PGM2: variants seen among roughly 807,000 people sequenced by gnomAD.
PGM2 encodes phosphoglucomutase 2, also known as phosphopentomutase.
In PGM2, 57 loss-of-function variants were observed where a neutral mutation model predicts 74.6. That is an observed-to-expected ratio of 0.76 (90% CI 0.62 to 0.95). PGM2 has a LOEUF of 0.95. Ranked by LOEUF, PGM2 falls within the 40% of genes least tolerant of loss-of-function variation. PGM2 has a pLI of 0.00. For synonymous variants in PGM2, 273 were observed against 260.7 expected, an observed-to-expected ratio of 1.05 and a Z score of -0.46; for missense variants, 706 against 741.9, an observed-to-expected ratio of 0.95 and a Z score of 0.56.
chr4:37,842,924 A>AAGTGCTAG (rs1173588651), intron 6 of PGM2, among the ~76,000 whole-genome samples: 18 of 152,110 alleles, frequency 1.2e-4, no homozygotes, highest in African/African-American at 4.3e-4. Flanking sequence ...CGGCCTCCCA[A>AAGTGCTAG]AGTGCTAGGA....
chr4:37,841,868 A>C (rs1332130028), intron 6 of PGM2, among the ~76,000 whole-genome samples: 1 of 152,246 alleles, frequency 6.6e-6, no homozygotes, highest in South Asian at 2.1e-4. Flanking sequence ...GTGTGTGCGC[A>C]TGTGTATCCG....
chr4:37,827,345 T>C (rs1211153303), intron 1 of PGM2, among the ~76,000 whole-genome samples: 1 of 152,150 alleles, frequency 6.6e-6, no homozygotes, highest in Non-Finnish European at 1.5e-5. Context: ...GAGTCCCCCT[T>C]AGAACTTTGA....
At chr4:37,852,764 G>GT (rs549090988) in intron 12 of PGM2, among the ~76,000 whole-genome samples, 1 of 152,000 alleles carries the variant, frequency 6.6e-6, no homozygotes, top group Non-Finnish European at 1.5e-5. Flanking sequence ...TGTTTTGTTT[G>GT]TTTTTTTCCT....
At chr4:37,837,672 G>A in intron 4 of PGM2, 59 bp downstream of exon 4, 2 of 1,031,378 alleles carry the variant, frequency 1.9e-6, no homozygotes, top group Non-Finnish European at 3.1e-6. Flanking sequence ...GGACTTGGCT[G>A]AATTTTATAG....
At chr4:37,838,495 C>A (rs764257017) in intron 4 of PGM2, among the ~76,000 whole-genome samples, 2 of 152,104 alleles carry the variant, frequency 1.3e-5, no homozygotes, top group Non-Finnish European at 1.5e-5. Context: ...GGGCCAGATG[C>A]TGAGAATATG....
At position 37,850,385 on chromosome 4, in the gene PGM2, CTT is replaced by C; in HGVS notation, c.1602+13_1602+14del. On this transcript the variant is annotated intron_variant, in intron 12 of 13. Coordinates refer to ENST00000381967, the MANE Select transcript of PGM2 (RefSeq NM_018290.4). The stretch of plus-strand genomic sequence containing the variant: ...CTGATAAAAAAGCTGTAAGTAATGT[CTT>C]CTCTTTTCAACTAACCTCTTTTCTA... The C allele has an allele frequency of 6.9e-7, 1 of 1,440,340 alleles. No homozygotes were observed. Among genetic ancestry groups the C allele is most frequent in the Non-Finnish European group, 9.3e-7 (1 of 1,074,468 alleles). 89.2% of individuals were successfully genotyped at this position (1,440,340 alleles called of 1,614,324 possible).
At chr4:37,853,386 G>A (rs7692261) in intron 12 of PGM2, among the ~76,000 whole-genome samples, 10,211 of 122,150 alleles carry the variant, frequency 0.084, 689 homozygotes, top group East Asian at 0.23. Context: ...TTTTTTTAAT[G>A]TAAACAATAT....
chr4:37,839,262 G>A (rs2714558), intron 4 of PGM2, among the ~76,000 whole-genome samples: 1 of 151,462 alleles, frequency 6.6e-6, no homozygotes, highest in Non-Finnish European at 1.5e-5. Context: ...GAGATTACAG[G>A]CGCCCATGCC....
chr4:37,853,720 T>A (rs1726113066), intron 12 of PGM2, among the ~76,000 whole-genome samples: 1 of 152,178 alleles, frequency 6.6e-6, no homozygotes, highest in Non-Finnish European at 1.5e-5. Flanking sequence ...TAAGATGAGA[T>A]GCCAAGGCCC....
rs2152173291 is a variant in PGM2, at chr4:37,826,833, G to A, written c.81+20G>A. 3 of 1,508,832 alleles carry A rather than the reference G, an allele frequency of 2.0e-6. No homozygotes were observed. Among genetic ancestry groups the A allele is most frequent in the Non-Finnish European group, 2.7e-6 (3 of 1,111,060 alleles). 93.5% of individuals were successfully genotyped at this position (1,508,832 alleles called of 1,614,324 possible). On this transcript the variant is annotated intron_variant, in intron 1 of 13. Coordinates refer to ENST00000381967, the MANE Select transcript of PGM2 (RefSeq NM_018290.4). ...GACAAGGTGAGGGGCACCAGCAGGC[G>A]GGGAGCGCCTGGAGCGGGGCCGGGT...
At chr4:37,838,256 C>T (rs1013257388) in intron 4 of PGM2, among the ~76,000 whole-genome samples, 1 of 152,190 alleles carries the variant, frequency 6.6e-6, no homozygotes, top group Non-Finnish European at 1.5e-5. Context: ...GTGTCGAAAT[C>T]TGAATTCACC....
At position 37,841,100 on chromosome 4, in the gene PGM2, A is replaced by ATATATATATATGTG. The variant is rs1202149456; in HGVS notation, c.719+842_719+843insATATATATATGTGT. 2.8e-4 allele frequency among the ~76,000 whole-genome samples: 32 copies of ATATATATATATGTG among 115,736 alleles called. No individual in the cohort carries two copies. In the East Asian group the frequency reaches 3.9e-3, roughly 14 times the overall value. The allele number at this position is 115,736 out of a possible 152,430, so 75.9% of individuals were successfully genotyped here. On this transcript the variant is annotated intron_variant, in intron 6 of 13. Transcript: ENST00000381967. ...TATATATATATATATATATATATAT[A>ATATATATATATGTG]TGTGTGTGTGTGTGTTTGTATATGT...
At chr4:37,849,070 CA>C (rs34584642) in intron 11 of PGM2, among the ~76,000 whole-genome samples, 1,760 of 84,584 alleles carry the variant, frequency 0.021, 23 homozygotes, top group Admixed American at 0.058. Flanking sequence ...AACTCTGTCT[CA>C]AAAAAAAAAA....
At chr4:37,830,247 G>C in intron 2 of PGM2, 116 bp downstream of exon 2, 1 of 684,134 alleles carries the variant, frequency 1.5e-6, no homozygotes. Flanking sequence ...CTAGACACAG[G>C]AAGTCACCAC....
At chr4:37,855,866 A>T in intron 13 of PGM2, 125 bp downstream of exon 13, 1 of 763,096 alleles carries the variant, frequency 1.3e-6, no homozygotes. Flanking sequence ...CTGTTTCAGA[A>T]CCTGCACTAA....
At chr4:37,853,169 G>T (rs1577682499) in intron 12 of PGM2, among the ~76,000 whole-genome samples, 1 of 151,968 alleles carries the variant, frequency 6.6e-6, no homozygotes, top group Admixed American at 6.6e-5. Context: ...ACAGTGTCTT[G>T]CTCTTTCACC....
chr4:37,830,750 T>A (rs1725421338), intron 2 of PGM2, among the ~76,000 whole-genome samples: 2 of 152,196 alleles, frequency 1.3e-5, no homozygotes, highest in South Asian at 4.1e-4. Context: ...CTGTTGATGA[T>A]GAATGTCACT....
chr4:37,845,300 A>G (rs1473450503), intron 7 of PGM2, among the ~76,000 whole-genome samples: 1 of 152,152 alleles, frequency 6.6e-6, no homozygotes, highest in African/African-American at 2.4e-5. Context: ...ATTTTGTTTT[A>G]TTTGTGAGGC....
rs535782329 is a variant in PGM2 at position 37,830,353 on chromosome 4, C to T, written c.249+222C>T. On this transcript the variant is annotated intron_variant, in intron 2 of 13. Transcript: ENST00000381967. The stretch of plus-strand genomic sequence containing the variant: ...CATCCATTCATTCATTCATTTAACA[C>T]ACTTATTGAGTACATACCATGTGCC... 2.0e-5 allele frequency among the ~76,000 whole-genome samples: 3 copies of T among 152,288 alleles called. No individual in the cohort carries two copies. The South Asian group carries it at 6.2e-4, about 32-fold the overall frequency.
Sources: gnomAD v4.1 joint callset for allele counts (sites outside exome capture counted in the v4.1 genomes callset) on GRCh38, gnomAD v4.1.1 for gene constraint, MANE v1.5 for transcripts, NCBI Gene and HGNC (gene_info 2026-07-23, HGNC 2026-07-21) for gene names.